Variants in BRIP1 observed in about 807,000 individuals in gnomAD.
BRIP1 encodes Fanconi anemia group J protein.
In BRIP1, 88 loss-of-function variants were observed where a neutral mutation model predicts 119.7. That is an observed-to-expected ratio of 0.74 (90% CI 0.62 to 0.88). The LOEUF (loss-of-function observed/expected upper bound fraction) is 0.88. Among genes scored for constraint, BRIP1 ranks in the 40% least tolerant of loss-of-function variants. The pLI is 0.00. For missense variants in BRIP1, 1,259 were observed against 1,455.4 expected (o/e 0.87, Z 2.20); for synonymous variants, 443 against 496.5 (o/e 0.89, Z 1.43).
In BRIP1 at chr17:61,759,683, A is replaced by C. The variant is rs1335555284; in HGVS notation, c.2098-15092T>G. 6.6e-6 allele frequency among the ~76,000 whole-genome samples: 1 copy of C among 152,098 alleles called. No individual in the cohort carries two copies. The highest frequency in any genetic ancestry group is 1.5e-5 in the Non-Finnish European group (1 of 67,970). The stretch of plus-strand genomic sequence containing the variant: ...GAGTCATACATTTTTGTTACCCATC[A>C]TATATAAACGGTTAATGTTTATACT... On this transcript the variant is annotated intron_variant, in intron 14 of 19. Transcript: ENST00000259008. The surrounding 1 kb of genome is among the most constrained non-coding windows in gnomAD (Gnocchi z 4.9).
At chr17:61,707,031 AT>A (rs202244837) in intron 17 of BRIP1, among the ~76,000 whole-genome samples, 34,228 of 148,534 alleles carry the variant, frequency 0.23, 4,435 homozygotes, top group Admixed American at 0.43. Flanking sequence ...TCCTTTTTAA[AT>A]TTTTTTTTTT....
At chr17:61,772,171 A>ATATATATATATATATATT (rs2077460345) in intron 14 of BRIP1, among the ~76,000 whole-genome samples, 1 of 36,948 alleles carries the variant, frequency 2.7e-5, no homozygotes, top group African/African-American at 9.0e-5. Flanking sequence ...ATATATATAT[A>ATATATATATATATATATT]TATATATATA....
rs1037804466 is a variant in BRIP1 at position 61,827,942 on chromosome 17, C to G, written c.627+19159G>C. Among the ~76,000 whole-genome samples, 5 of 152,146 alleles carry G rather than the reference C, an allele frequency of 3.3e-5. No individual in the cohort carries two copies. The highest frequency in any genetic ancestry group is 1.2e-4 in the African/African-American group (5 of 41,440). On this transcript the variant is annotated intron_variant, in intron 6 of 19. Coordinates refer to ENST00000259008, the MANE Select transcript of BRIP1 (RefSeq NM_032043.3). This position sits in a 1 kb window ranked among gnomAD's most constrained non-coding sequence, Gnocchi z 5.8. ...CAAAGATGTGGAGAAACTGGAACCC[C>G]TGTGCATTGCTGATGGAACTGTAAA...
In BRIP1 at chr17:61,776,964, G is replaced by C. The variant is rs2077544045; in HGVS notation, c.1936-402C>G. ...GGCCAGTATAATTTGCCATAGGCAA[G>C]TCTCAAAAATGACAGGAACTACTCT... On this transcript the variant is annotated intron_variant, in intron 13 of 19. Transcript: ENST00000259008. The surrounding 1 kb of genome is among the most constrained non-coding windows in gnomAD (Gnocchi z 5.0). Among the ~76,000 whole-genome samples the C allele has an allele frequency of 6.6e-6, 1 of 152,146 alleles. No individual in the cohort carries two copies. Among genetic ancestry groups the C allele is most frequent in the South Asian group, 2.1e-4 (1 of 4,828 alleles).
chr17:61,833,647 G>A (rs1164582522), intron 6 of BRIP1, among the ~76,000 whole-genome samples: 1 of 149,096 alleles, frequency 6.7e-6, no homozygotes, highest in Non-Finnish European at 1.5e-5. Context: ...CTCCAGCCTG[G>A]GTGACAAAGC....
intron 16 of BRIP1, among the ~76,000 whole-genome samples, chr17:61,741,114 C>T (rs1390408919): frequency 1.3e-5 from 2 of 152,212 alleles, no homozygotes; most frequent in African/African-American, 4.8e-5. Context: ...ACAATGTTCA[C>T]AGCATCTTTA....
Position 61,744,646 on chromosome 17 carries a change from ACTT to A in BRIP1, c.2098-58_2098-56del. 1 of 1,494,062 alleles carries A rather than the reference ACTT, an allele frequency of 6.7e-7. No individual in the cohort carries two copies. The highest frequency in any genetic ancestry group is 9.3e-7 in the Non-Finnish European group (1 of 1,071,956). The allele number at this position is 1,494,062 out of a possible 1,614,324, so 92.6% of individuals were successfully genotyped here. On this transcript the variant is annotated intron_variant, in intron 14 of 19. Coordinates refer to ENST00000259008, the MANE Select transcript of BRIP1 (RefSeq NM_032043.3). The surrounding 1 kb of genome is among the most constrained non-coding windows in gnomAD (Gnocchi z 5.0). ...TTGTGTGTCTAGCTAAACAAACTTA[ACTT>A]CATTTGTTTAAGCCAATGTGACTAC...
intron 1 of BRIP1, among the ~76,000 whole-genome samples, 167 bp downstream of exon 1, chr17:61,863,117 T>G (rs957259197): frequency 4.6e-5 from 7 of 151,450 alleles, no homozygotes; most frequent in African/African-American, 1.5e-4. Context: ...AGGCCTGCGC[T>G]CAAAGGAGGT....
At position 61,720,484 on chromosome 17, in the gene BRIP1, A is replaced by G. The variant is rs2061955615; in HGVS notation, c.2380-4421T>C. 6.6e-6 allele frequency among the ~76,000 whole-genome samples: 1 copy of G among 152,368 alleles called. No homozygotes were observed. The highest frequency in any genetic ancestry group is 2.1e-4 in the South Asian group (1 of 4,828). On this transcript the variant is annotated intron_variant, in intron 16 of 19. Transcript: ENST00000259008. The surrounding 1 kb of genome is among the most constrained non-coding windows in gnomAD (Gnocchi z 4.3). ...AAAACTTATACAGCAGTTCCCTCTTATCTGCAGTGGTTTAAGTTAACTGCG... is the reference window on the plus strand; with the variant it reads ...AAAACTTATACAGCAGTTCCCTCTTGTCTGCAGTGGTTTAAGTTAACTGCG...
rs1379526707 is a variant in BRIP1, at chr17:61,752,827, G to A, written c.2098-8236C>T. Among the ~76,000 whole-genome samples, 1 of 152,170 alleles carries A rather than the reference G, an allele frequency of 6.6e-6. No individual in the cohort carries two copies. Among genetic ancestry groups the A allele is most frequent in the East Asian group, 1.9e-4 (1 of 5,196 alleles). On this transcript the variant is annotated intron_variant, in intron 14 of 19. Transcript: ENST00000259008. The surrounding 1 kb of genome is among the most constrained non-coding windows in gnomAD (Gnocchi z 6.2). Reference sequence around the variant, plus strand: ...AAATACTTAAAATTAAAATGAGTAAGATATGGTGTTGGATGGGACATGACA... The same window carrying A: ...AAATACTTAAAATTAAAATGAGTAAAATATGGTGTTGGATGGGACATGACA...
rs1224064337 is a variant in BRIP1 at position 61,827,258 on chromosome 17, T to C, written c.628-18501A>G. Among the ~76,000 whole-genome samples, 1 of 151,846 alleles carries C rather than the reference T, an allele frequency of 6.6e-6. No homozygotes were observed. Among genetic ancestry groups the C allele is most frequent in the Non-Finnish European group, 1.5e-5 (1 of 67,964 alleles). ...AAACATAAAGGGGAAAAACACACAA[T>C]GGGGCCTATCAGAGGGTAGAGGGTG... On this transcript the variant is annotated intron_variant, in intron 6 of 19. Transcript: ENST00000259008. The surrounding 1 kb of genome is among the most constrained non-coding windows in gnomAD (Gnocchi z 5.8).
At chr17:61,821,900 T>G (rs1482414780) in intron 6 of BRIP1, among the ~76,000 whole-genome samples, 2 of 152,114 alleles carry the variant, frequency 1.3e-5, no homozygotes, top group Admixed American at 1.3e-4. Flanking sequence ...CACCATTTCA[T>G]TCTCAGCAGA....
rs550380109 is a variant in BRIP1, at chr17:61,753,558, C to A, written c.2098-8967G>T. Among the ~76,000 whole-genome samples the A allele has an allele frequency of 1.5e-4, 23 of 149,626 alleles. No homozygotes were observed. In the South Asian group the frequency reaches 4.8e-3, roughly 31 times the overall value. ...GATGAGATTGCCTAGTGGGAGAGTA[C>A]AGATTTAAAAGGGGGGACCAGCAAG... On this transcript the variant is annotated intron_variant, in intron 14 of 19. Transcript: ENST00000259008. The surrounding 1 kb of genome is among the most constrained non-coding windows in gnomAD (Gnocchi z 4.6).
chr17:61,765,706 A>G (rs2077363661), intron 14 of BRIP1, among the ~76,000 whole-genome samples: 1 of 151,182 alleles, frequency 6.6e-6, no homozygotes, highest in South Asian at 2.1e-4. Context: ...AAGTGCTGGG[A>G]TTACAGGCAT....
Position 61,751,758 on chromosome 17 carries a change from G to A in BRIP1, c.2098-7167C>T, listed in dbSNP as rs2077133921. ...TTTAGCTTTAGGGGGATACAATTGG[G>A]AAGGAACAAATGGAGGATTTTTTTT... On this transcript the variant is annotated intron_variant, in intron 14 of 19. Coordinates refer to ENST00000259008, the MANE Select transcript of BRIP1 (RefSeq NM_032043.3). The surrounding 1 kb of genome is among the most constrained non-coding windows in gnomAD (Gnocchi z 6.7). 6.6e-6 allele frequency among the ~76,000 whole-genome samples: 1 copy of A among 151,798 alleles called. No homozygotes were observed. Among genetic ancestry groups the A allele is most frequent in the South Asian group, 2.1e-4 (1 of 4,812 alleles).
intron 11 of BRIP1, among the ~76,000 whole-genome samples, chr17:61,781,442 G>A (rs1022591782): frequency 9.2e-5 from 14 of 151,758 alleles, no homozygotes; most frequent in African/African-American, 3.4e-4. Flanking sequence ...TGAGAAAATA[G>A]AAGGATAATT....
chr17:61,777,221 TGAAA>T (rs937017514), intron 13 of BRIP1, among the ~76,000 whole-genome samples: 4 of 152,334 alleles, frequency 2.6e-5, no homozygotes, highest in Admixed American at 1.3e-4. Flanking sequence ...GAAATACAGT[TGAAA>T]GAATCAATGA....
At chr17:61,786,540 AG>A (rs1340289427) in intron 10 of BRIP1, among the ~76,000 whole-genome samples, 1 of 149,556 alleles carries the variant, frequency 6.7e-6, no homozygotes, top group African/African-American at 2.4e-5. Flanking sequence ...TTAGCCAACT[AG>A]AATTAGGGCA....
chr17:61,710,367 A>G lies in BRIP1; in HGVS notation c.2492+5584T>C, dbSNP rs934505334. Among the ~76,000 whole-genome samples, 1 of 152,216 alleles carries G rather than the reference A, an allele frequency of 6.6e-6. No individual in the cohort carries two copies. The highest frequency in any genetic ancestry group is 2.4e-5 in the African/African-American group (1 of 41,464). On this transcript the variant is annotated intron_variant, in intron 17 of 19. Coordinates refer to ENST00000259008, the MANE Select transcript of BRIP1 (RefSeq NM_032043.3). This position sits in a 1 kb window ranked among gnomAD's most constrained non-coding sequence, Gnocchi z 5.4. ...TTAGTTGGTTGCTGAGAATGTAACA[A>G]CGTAACACATGTTCAAGGAAGAAAA... is the stretch of plus-strand genomic sequence containing the variant.
Sources: allele counts gnomAD v4.1 joint callset (sites outside exome capture counted in the v4.1 genomes callset), GRCh38; gene constraint gnomAD v4.1.1; non-coding constraint Gnocchi (gnomAD v3.1); transcripts MANE v1.5; gene names NCBI Gene and HGNC (gene_info 2026-07-23, HGNC 2026-07-21).